The following PCDHGA1 variants were observed in gnomAD, a reference collection of about 807,000 sequenced individuals.
PCDHGA1 encodes protocadherin gamma-A1.
In PCDHGA1, 32 loss-of-function variants were observed where a neutral mutation model predicts 58.0. The observed-to-expected ratio is 0.55, with a 90% CI of 0.42 to 0.74. The LOEUF (loss-of-function observed/expected upper bound fraction) is 0.74, where lower values mean the gene tolerates loss of function less well. Among genes scored for constraint, PCDHGA1 ranks in the 30% least tolerant of loss-of-function variants. PCDHGA1 has a pLI of 0.00. For synonymous variants in PCDHGA1, 498 were observed against 501.1 expected (o/e 0.99, Z 0.08); for missense variants, 1,205 against 1,182.3 (o/e 1.02, Z -0.28).
At chr5:141,443,055 C>G (rs994152277) in intron 1 of PCDHGA1, among the ~76,000 whole-genome samples, 1 of 152,208 alleles carries the variant, frequency 6.6e-6, no homozygotes, top group Non-Finnish European at 1.5e-5. Flanking sequence ...TATTGTTCCA[C>G]TGAAGAGCGT....
Position 141,372,427 on chromosome 5 carries a change from G to A in PCDHGA1, c.2421+39322G>A. On this transcript the variant is annotated intron_variant, in intron 1 of 3. Coordinates refer to ENST00000517417, the MANE Select transcript of PCDHGA1 (RefSeq NM_018912.3). ...GAGATACAACCTGACCTTAGCGACC[G>A]CCCCACTCCCTCTGACCCTCAGGCG... 6.2e-7 allele frequency: 1 copy of A among 1,613,990 alleles called. No homozygotes were observed. The highest frequency in any genetic ancestry group is 8.5e-7 in the Non-Finnish European group (1 of 1,179,882).
chr5:141,453,545 A>T (rs2098768582), intron 1 of PCDHGA1, among the ~76,000 whole-genome samples: 1 of 151,998 alleles, frequency 6.6e-6, no homozygotes, highest in African/African-American at 2.4e-5. Flanking sequence ...TTCACACCAC[A>T]CTCTGTAGAT....
chr5:141,421,455 C>A (rs762490406), intron 1 of PCDHGA1: 1 of 1,614,108 alleles, frequency 6.2e-7, no homozygotes, highest in South Asian at 1.1e-5. Flanking sequence ...CACAGCTTTT[C>A]GCTGTGAATC....
rs1464748225 is a variant in PCDHGA1, at chr5:141,333,115, T to A, written c.2421+10T>A. Reference sequence around the variant, plus strand: ...GGAACCATTTTCTCAGGTAAACTTTTGTGATGAATGTATCAGCTATCTAGA... The same window carrying A: ...GGAACCATTTTCTCAGGTAAACTTTAGTGATGAATGTATCAGCTATCTAGA... On this transcript the variant is annotated intron_variant, in intron 1 of 3. Coordinates refer to ENST00000517417, the MANE Select transcript of PCDHGA1 (RefSeq NM_018912.3). The A allele has an allele frequency of 6.2e-7, 1 of 1,614,210 alleles. No individual in the cohort carries two copies. Among genetic ancestry groups the A allele is most frequent in the South Asian group, 1.1e-5 (1 of 91,084 alleles).
intron 3 of PCDHGA1, among the ~76,000 whole-genome samples, chr5:141,505,969 A>G (rs1454691041): frequency 1.3e-5 from 2 of 152,142 alleles, no homozygotes; most frequent in Non-Finnish European, 2.9e-5. Context: ...AGAAATCCCC[A>G]GCCGAGAGAA....
chr5:141,400,147 C>T lies in PCDHGA1; in HGVS notation c.2421+67042C>T, dbSNP rs751998425. ...GGAGGTGCTGCCGGATATCACTGAC[C>T]GCCCTGTACCCTCTGACCCCCAGGC... On this transcript the variant is annotated intron_variant, in intron 1 of 3. Coordinates refer to ENST00000517417, the MANE Select transcript of PCDHGA1 (RefSeq NM_018912.3). 3.7e-6 allele frequency: 6 copies of T among 1,614,074 alleles called. No homozygotes were observed. In the East Asian group the frequency reaches 1.1e-4, roughly 30 times the overall value.
intron 1 of PCDHGA1, chr5:141,479,217 A>G (rs1433108919): frequency 1.3e-5 from 2 of 152,400 alleles, no homozygotes; most frequent in Non-Finnish European, 2.9e-5. Context: ...TTAAAAAATT[A>G]AAACTATAAT....
chr5:141,429,330 T>C (rs2097204620), intron 1 of PCDHGA1, among the ~76,000 whole-genome samples: 1 of 152,188 alleles, frequency 6.6e-6, no homozygotes, highest in East Asian at 1.9e-4. Flanking sequence ...CTTTAATCCA[T>C]TAACTATAAA....
At chr5:141,428,124 C>G in intron 1 of PCDHGA1, 2 of 1,605,400 alleles carry the variant, frequency 1.2e-6, no homozygotes, top group Non-Finnish European at 1.7e-6. Flanking sequence ...CGAGCCCGGG[C>G]TTTTCAGCCT....
chr5:141,403,169 C>T, intron 1 of PCDHGA1: 13 of 1,614,016 alleles, frequency 8.1e-6, no homozygotes, highest in Non-Finnish European at 1.1e-5. Flanking sequence ...AGGTAGGACG[C>T]AGCTTTTCTC....
intron 1 of PCDHGA1, chr5:141,352,633 T>C (rs1464392466): frequency 6.2e-7 from 1 of 1,610,604 alleles, no homozygotes; most frequent in Admixed American, 1.7e-5. Context: ...GTAATGAAGA[T>C]CACAAAATCG....
At position 141,409,757 on chromosome 5, in the gene PCDHGA1, G is replaced by A; in HGVS notation, c.2421+76652G>A. The A allele has an allele frequency of 6.8e-6, 11 of 1,612,986 alleles. No individual in the cohort carries two copies. The highest frequency in any genetic ancestry group is 9.3e-6 in the Non-Finnish European group (11 of 1,179,838). ...GAGCGGGGTGGTGTTCGCGCAGCGCGCCTTTGATCACGAGCAGCTGCGCGC... is the reference window on the plus strand; with the variant it reads ...GAGCGGGGTGGTGTTCGCGCAGCGCACCTTTGATCACGAGCAGCTGCGCGC... On this transcript the variant is annotated intron_variant, in intron 1 of 3. Coordinates refer to ENST00000517417, the MANE Select transcript of PCDHGA1 (RefSeq NM_018912.3).
At chr5:141,383,861 C>A (rs1284375260) in intron 1 of PCDHGA1, 1 of 1,613,936 alleles carries the variant, frequency 6.2e-7, no homozygotes, top group East Asian at 2.2e-5. Context: ...GAGGTTCAGG[C>A]TCAAGATGGT....
At chr5:141,348,909 G>A (rs1479901562) in intron 1 of PCDHGA1, among the ~76,000 whole-genome samples, 3 of 152,124 alleles carry the variant, frequency 2.0e-5, no homozygotes, top group Admixed American at 2.0e-4. Flanking sequence ...TGAAATAAAG[G>A]GATTTGCTTT....
chr5:141,408,176 G>C, intron 1 of PCDHGA1: 1 of 1,533,992 alleles, frequency 6.5e-7, no homozygotes, highest in South Asian at 1.2e-5. Flanking sequence ...TGGAAAAGCG[G>C]GGACCCAGCG....
chr5:141,509,298 C>A (rs974744333), intron 3 of PCDHGA1, among the ~76,000 whole-genome samples: 1 of 152,180 alleles, frequency 6.6e-6, no homozygotes, highest in Non-Finnish European at 1.5e-5. Flanking sequence ...AGGGTGGAGG[C>A]AGAGGGAGGC....
intron 1 of PCDHGA1, chr5:141,366,547 C>T: frequency 6.2e-7 from 1 of 1,614,240 alleles, no homozygotes; most frequent in Non-Finnish European, 8.5e-7. Flanking sequence ...CCGCCTCGCA[C>T]TTTGTGGGCG....
At chr5:141,370,380 G>A in intron 1 of PCDHGA1, 5 of 1,532,358 alleles carry the variant, frequency 3.3e-6, no homozygotes, top group Non-Finnish European at 4.4e-6. Flanking sequence ...GAAAGGCAAA[G>A]GCGCAGAGAG....
At chr5:141,466,324 C>A (rs2154569179) in intron 1 of PCDHGA1, among the ~76,000 whole-genome samples, 1 of 152,218 alleles carries the variant, frequency 6.6e-6, no homozygotes, top group East Asian at 1.9e-4. Context: ...GCACATGCTA[C>A]CATGCCTGGA....
Sources: gnomAD v4.1 joint callset for allele counts (sites outside exome capture counted in the v4.1 genomes callset) on GRCh38, gnomAD v4.1.1 for gene constraint, MANE v1.5 for transcripts, NCBI Gene and HGNC (gene_info 2026-07-23, HGNC 2026-07-21) for gene names.